Variants in MEGF11 observed in about 807,000 individuals in gnomAD.
The protein encoded by MEGF11 is multiple epidermal growth factor-like domains protein 11.
In MEGF11, 126 loss-of-function variants were observed where a neutral mutation model predicts 146.6. The observed-to-expected ratio is 0.86, with a 90% CI of 0.74 to 1.00. The LOEUF (loss-of-function observed/expected upper bound fraction) is 1.00, where lower values mean the gene tolerates loss of function less well. Ranked by LOEUF, MEGF11 falls within the 50% of genes least tolerant of loss-of-function variation. The pLI, the probability that MEGF11 is intolerant of heterozygous loss-of-function variation, is 0.00. For synonymous variants in MEGF11, 532 were observed against 583.4 expected (o/e 0.91, Z 1.27); for missense variants, 1,509 against 1,521.2 (o/e 0.99, Z 0.13).
intron 10 of MEGF11, among the ~76,000 whole-genome samples, chr15:65,954,240 C>T (rs1438554571): frequency 6.6e-6 from 1 of 152,298 alleles, no homozygotes; most frequent in East Asian, 1.9e-4. Flanking sequence ...CGCGTACATA[C>T]ATTCACAAAC....
intron 5 of MEGF11, among the ~76,000 whole-genome samples, chr15:65,993,602 CCT>C (rs1389602930): frequency 1.3e-5 from 2 of 152,312 alleles, no homozygotes; most frequent in Non-Finnish European, 1.5e-5. Context: ...GACGTGGCCC[CCT>C]CACTTGCCTT....
chr15:66,166,805 T>C (rs2090109462), intron 1 of MEGF11, among the ~76,000 whole-genome samples: 1 of 152,050 alleles, frequency 6.6e-6, no homozygotes, highest in African/African-American at 2.4e-5. Context: ...CACTTTGGCA[T>C]CCCAGGCCCT....
At chr15:65,947,361 A>C (rs934245731) in intron 10 of MEGF11, among the ~76,000 whole-genome samples, 1 of 151,784 alleles carries the variant, frequency 6.6e-6, no homozygotes, top group Non-Finnish European at 1.5e-5. Flanking sequence ...TTGTGGGGGG[A>C]CTAGAGCCTG....
intron 4 of MEGF11, among the ~76,000 whole-genome samples, chr15:66,114,883 G>A (rs1444036237): frequency 6.6e-6 from 1 of 152,154 alleles, no homozygotes; most frequent in Non-Finnish European, 1.5e-5. Context: ...GAAAAACAGT[G>A]CCCCCCTGCA....
Position 65,913,951 on chromosome 15 carries a change from C to T in MEGF11, c.2496G>A (p.Leu832=), listed in dbSNP as rs1428135521. ...CDQAALMMEE[L]NPYTKISPAL... ...CTGGGCTGATCTTGGTGTAGGGATT[C>T]AGCTCCTCCATCATGAGGGCAGCTG... is the stretch of plus-strand genomic sequence containing the variant. Residue 832 remains leucine, a synonymous_variant, in exon 20 of 26, where the codon CTG becomes CTA. Coordinates refer to ENST00000395614, the MANE Select transcript of MEGF11 (RefSeq NM_001385028.1). 1 of 1,613,868 alleles carries T rather than the reference C, an allele frequency of 6.2e-7. No homozygotes were observed. The highest frequency in any genetic ancestry group is 8.5e-7 in the Non-Finnish European group (1 of 1,179,852).
intron 1 of MEGF11, among the ~76,000 whole-genome samples, chr15:66,242,818 C>G (rs992209571): frequency 1.2e-4 from 19 of 152,136 alleles, no homozygotes; most frequent in African/African-American, 3.9e-4. Flanking sequence ...ACGCCTTCAG[C>G]CAGAGGGTAC....
At chr15:66,224,296 C>G (rs913164669) in intron 1 of MEGF11, among the ~76,000 whole-genome samples, 1 of 152,040 alleles carries the variant, frequency 6.6e-6, no homozygotes, top group Non-Finnish European at 1.5e-5. Flanking sequence ...AGTATCTGGC[C>G]GAGCACAGTG....
chr15:65,975,478 G>C (rs1304522022), intron 7 of MEGF11, among the ~76,000 whole-genome samples: 1 of 152,182 alleles, frequency 6.6e-6, no homozygotes, highest in Non-Finnish European at 1.5e-5. Flanking sequence ...CCAAACTGCA[G>C]GCATCCAAGC....
intron 1 of MEGF11, among the ~76,000 whole-genome samples, chr15:66,193,665 A>G (rs2090936870): frequency 6.6e-6 from 1 of 152,082 alleles, no homozygotes; most frequent in South Asian, 2.1e-4. Flanking sequence ...TGCAGGTTCA[A>G]TTACAGAACT....
At chr15:65,910,042 C>G (rs1162426979) in intron 21 of MEGF11, 1 of 661,424 alleles carries the variant, frequency 1.5e-6, no homozygotes. Context: ...TGTAGGGTTC[C>G]CAGGCCTCCT....
chr15:66,042,107 CTTT>C (rs199704077), intron 5 of MEGF11, among the ~76,000 whole-genome samples: 6,285 of 142,674 alleles, frequency 0.044, 286 homozygotes, highest in African/African-American at 0.12. Flanking sequence ...ATTTCTTTCC[CTTT>C]TTTTTTTTTT....
intron 5 of MEGF11, among the ~76,000 whole-genome samples, chr15:66,023,484 G>A (rs550616506): frequency 5.9e-5 from 9 of 152,344 alleles, no homozygotes; most frequent in South Asian, 4.1e-4. Context: ...GTGTGAGGAC[G>A]TCAGCCAAGG....
intron 1 of MEGF11, among the ~76,000 whole-genome samples, chr15:66,140,035 C>T (rs1373710981): frequency 1.3e-5 from 2 of 152,148 alleles, no homozygotes; most frequent in Non-Finnish European, 2.9e-5. Context: ...CAGGCTCAGT[C>T]CTCACCGGCG....
chr15:66,142,137 C>T (rs1424005666), intron 1 of MEGF11, among the ~76,000 whole-genome samples: 1 of 152,236 alleles, frequency 6.6e-6, no homozygotes, highest in Admixed American at 6.5e-5. Flanking sequence ...GTGGTTTGTA[C>T]CCCAGGTATA....
At chr15:65,900,596 A>C (rs1401973334) in intron 24 of MEGF11, among the ~76,000 whole-genome samples, 1 of 152,196 alleles carries the variant, frequency 6.6e-6, no homozygotes, top group African/African-American at 2.4e-5. Context: ...ACTCTGTGGT[A>C]TAGGTAGAGC....
intron 4 of MEGF11, among the ~76,000 whole-genome samples, chr15:66,112,075 TAA>T (rs10715805): frequency 2.0e-4 from 26 of 131,056 alleles, no homozygotes; most frequent in Non-Finnish European, 2.0e-4. Flanking sequence ...GGCTAATAGT[TAA>T]AAAAAAAAAA....
At chr15:66,004,186 T>C (rs1330944041) in intron 5 of MEGF11, among the ~76,000 whole-genome samples, 1 of 152,084 alleles carries the variant, frequency 6.6e-6, no homozygotes, top group Non-Finnish European at 1.5e-5. Flanking sequence ...GTAAAGATAA[T>C]AGCCGTAAAA....
chr15:65,931,471 G>A (rs1443217105), intron 10 of MEGF11, among the ~76,000 whole-genome samples: 2 of 152,212 alleles, frequency 1.3e-5, no homozygotes, highest in Admixed American at 6.5e-5. Flanking sequence ...CTTCAGCCTC[G>A]TGAAACCCAT....
chr15:65,978,040 G>C (rs2081509367), intron 7 of MEGF11, among the ~76,000 whole-genome samples: 1 of 152,238 alleles, frequency 6.6e-6, no homozygotes, highest in Non-Finnish European at 1.5e-5. Flanking sequence ...CATGCTTAGG[G>C]CCTGGTGGCC....
Sources: allele counts gnomAD v4.1 joint callset (sites outside exome capture counted in the v4.1 genomes callset), GRCh38; gene constraint gnomAD v4.1.1; transcripts MANE v1.5; gene names NCBI Gene and HGNC (gene_info 2026-07-23, HGNC 2026-07-21).